The following PLCZ1 variants were observed in gnomAD, a reference collection of about 807,000 sequenced individuals.
The protein encoded by PLCZ1 is 1-phosphatidylinositol 4,5-bisphosphate phosphodiesterase zeta-1.
A neutral mutation model predicts 76.8 loss-of-function variants in PLCZ1; 64 were observed. That is an observed-to-expected ratio of 0.83 (90% CI 0.68 to 1.03). The LOEUF is 1.03. Ranked by LOEUF, PLCZ1 falls within the 50% of genes least tolerant of loss-of-function variation. The pLI, the probability that PLCZ1 is intolerant of heterozygous loss-of-function variation, is 0.00. For synonymous variants in PLCZ1, 248 were observed against 230.8 expected (o/e 1.07, Z -0.68); for missense variants, 751 against 713.7 (o/e 1.05, Z -0.60).
chr12:18,702,938 A>G (rs1259575269), intron 7 of PLCZ1, among the ~76,000 whole-genome samples: 1 of 149,242 alleles, frequency 6.7e-6, no homozygotes, highest in Non-Finnish European at 1.5e-5. Flanking sequence ...CTCCTGCCTC[A>G]GCCTCCCAAG....
chr12:18,734,143 G>C (rs1005643296), intron 3 of PLCZ1, among the ~76,000 whole-genome samples: 1 of 152,126 alleles, frequency 6.6e-6, no homozygotes, highest in Non-Finnish European at 1.5e-5. Context: ...GTGGTTTACA[G>C]TTTTGGTGTG....
At chr12:18,682,135 T>C (rs990678766), downstream of PLCZ1, among the ~76,000 whole-genome samples, 2 of 152,082 alleles carry the variant, frequency 1.3e-5, no homozygotes, top group South Asian at 2.1e-4. Context: ...AACTGGAAGA[T>C]TGTGCACTTA....
At chr12:18,680,321 C>T (rs1489517437), downstream of PLCZ1, among the ~76,000 whole-genome samples, 1 of 152,022 alleles carries the variant, frequency 6.6e-6, no homozygotes, top group African/African-American at 2.4e-5. Flanking sequence ...TTGACTAGAA[C>T]TCCTAGAGGC....
chr12:18,679,597 C>A (rs1277370005), downstream of PLCZ1, among the ~76,000 whole-genome samples: 1 of 151,716 alleles, frequency 6.6e-6, no homozygotes, highest in Admixed American at 6.6e-5. Flanking sequence ...TGTTTCCGAG[C>A]CTGTGTCATT....
chr12:18,705,098 C>A (rs1956438072), intron 7 of PLCZ1, 68 bp downstream of exon 7: 3 of 1,567,036 alleles, frequency 1.9e-6, no homozygotes, highest in African/African-American at 1.4e-5. Flanking sequence ...GTTTCACAGG[C>A]CAATATAACA....
the PLCZ1 span, among the ~76,000 whole-genome samples, chr12:18,673,744 G>A: frequency 6.6e-6 from 1 of 152,126 alleles, no homozygotes; most frequent in Non-Finnish European, 1.5e-5. Flanking sequence ...TTCTCATCAG[G>A]GGAAGGATCC....
chr12:18,658,787 TA>T, the PLCZ1 span, among the ~76,000 whole-genome samples: 3 of 152,304 alleles, frequency 2.0e-5, no homozygotes, highest in South Asian at 6.2e-4. Context: ...GAGAATGCTA[TA>T]CTTTAGCTTA....
Position 18,723,302 on chromosome 12 carries a change from C to A in PLCZ1, c.367+9G>T. ...AATATTCCGATAAAAGTTTGAAATG[C>A]AAACATACCTTCTTCGATAGGCTCG... is the stretch of plus-strand genomic sequence containing the variant. On this transcript the variant is annotated intron_variant, in intron 4 of 14. Coordinates refer to ENST00000266505, the MANE Select transcript of PLCZ1 (RefSeq NM_033123.4). The A allele has an allele frequency of 6.2e-7, 1 of 1,602,534 alleles. No homozygotes were observed. The highest frequency in any genetic ancestry group is 1.1e-5 in the South Asian group (1 of 90,252).
chr12:18,700,049 A>G, intron 9 of PLCZ1, 99 bp from the exon 10 acceptor site: 1 of 1,015,600 alleles, frequency 9.8e-7, no homozygotes, highest in Non-Finnish European at 1.5e-6. Context: ...AATGATTTTC[A>G]TCTTTTCATA....
At chr12:18,697,457 G>A (rs1356573544) in intron 10 of PLCZ1, among the ~76,000 whole-genome samples, 1 of 152,008 alleles carries the variant, frequency 6.6e-6, no homozygotes, top group Non-Finnish European at 1.5e-5. Flanking sequence ...GAGTCTTAAT[G>A]TTTCTCATTT....
intron 6 of PLCZ1, among the ~76,000 whole-genome samples, chr12:18,710,570 G>C (rs1056154724): frequency 1.3e-5 from 2 of 152,094 alleles, no homozygotes; most frequent in African/African-American, 4.8e-5. Flanking sequence ...AATCACTCTG[G>C]TTGATATGTT....
At chr12:18,678,227 C>G (rs993743324), downstream of PLCZ1, among the ~76,000 whole-genome samples, 1 of 152,062 alleles carries the variant, frequency 6.6e-6, no homozygotes, top group African/African-American at 2.4e-5. Context: ...TGTTAGAACA[C>G]ACATTGTCAC....
chr12:18,736,714 T>C lies in PLCZ1; in HGVS notation c.12-370A>G, dbSNP rs1042473804. On this transcript the variant is annotated intron_variant, in intron 2 of 14. Coordinates refer to ENST00000266505, the MANE Select transcript of PLCZ1 (RefSeq NM_033123.4). ...TCACCTGACCTCTCTGTTTTAGTTC[T>C]CTCTTCCAGAAAGGTGAGCAAATTA... 9 of 1,283,526 alleles carry C rather than the reference T, an allele frequency of 7.0e-6. No homozygotes were observed. The African/African-American group carries it at 1.4e-4, about 20-fold the overall frequency. 79.5% of individuals were successfully genotyped at this position (1,283,526 alleles called of 1,614,324 possible).
intron 6 of PLCZ1, among the ~76,000 whole-genome samples, chr12:18,706,218 T>C (rs35206245): frequency 0.13 from 19,296 of 149,706 alleles, 2,115 homozygotes; most frequent in African/African-American, 0.3. Flanking sequence ...GGTGACGGAA[T>C]GAGACTCTGT....
In PLCZ1 at chr12:18,683,183, AT is replaced by A; in HGVS notation, c.*55del. ...TAAAAAAGAAAACATAAAGACATTC[AT>A]TTTGGCTGTTTTATTGCGATGCATA... On this transcript the variant is annotated 3_prime_UTR_variant, in exon 15 of 15. Transcript: ENST00000266505. The A allele has an allele frequency of 1.4e-6, 2 of 1,433,986 alleles. No individual in the cohort carries two copies. Among genetic ancestry groups the A allele is most frequent in the Non-Finnish European group, 2.0e-6 (2 of 1,017,382 alleles). The allele number at this position is 1,433,986 out of a possible 1,614,324, so 88.8% of individuals were successfully genotyped here.
chr12:18,712,602 C>T (rs555429322), intron 6 of PLCZ1, among the ~76,000 whole-genome samples: 2 of 152,078 alleles, frequency 1.3e-5, no homozygotes, highest in Admixed American at 6.6e-5. Flanking sequence ...TGAAACAATA[C>T]ACACACACAC....
the PLCZ1 span, among the ~76,000 whole-genome samples, chr12:18,674,662 A>G: frequency 6.6e-6 from 1 of 152,166 alleles, no homozygotes; most frequent in African/African-American, 2.4e-5. Context: ...ATTTTTTGCA[A>G]CTACTCCCAT....
the PLCZ1 span, among the ~76,000 whole-genome samples, chr12:18,653,569 T>C: frequency 3.3e-5 from 5 of 152,124 alleles, no homozygotes; most frequent in African/African-American, 4.8e-5. Flanking sequence ...CTTCACCAAA[T>C]TGTGTTCCTT....
intron 10 of PLCZ1, among the ~76,000 whole-genome samples, chr12:18,698,900 A>G (rs1955496119): frequency 6.6e-6 from 1 of 152,106 alleles, no homozygotes; most frequent in South Asian, 2.1e-4. Flanking sequence ...TGTATCCATT[A>G]TTGTCCTTAC....
Sources: gnomAD v4.1 joint callset for allele counts (sites outside exome capture counted in the v4.1 genomes callset) on GRCh38, gnomAD v4.1.1 for gene constraint, MANE v1.5 for transcripts, NCBI Gene and HGNC (gene_info 2026-07-23, HGNC 2026-07-21) for gene names.